PRKAR1A: variants seen among roughly 807,000 people sequenced by gnomAD.
PRKAR1A encodes the protein protein kinase cAMP-dependent type I regulatory subunit alpha.
PRKAR1A carries 3 observed loss-of-function variants against 52.0 expected under a neutral mutation model. The ratio of observed to expected loss-of-function variants is 0.06; its 90% confidence interval spans 0.03 to 0.15. The LOEUF (loss-of-function observed/expected upper bound fraction) is 0.15. Among genes scored for constraint, PRKAR1A ranks in the 10% least tolerant of loss-of-function variants. The probability of loss-of-function intolerance (pLI) is 1.00; values close to 1 mark genes in which losing one functional copy is unlikely to be tolerated. For synonymous variants in PRKAR1A, 188 were observed against 168.4 expected (o/e 1.12, Z -0.90); for missense variants, 240 against 477.4 (o/e 0.50, Z 4.63).
intron 9 of PRKAR1A, among the ~76,000 whole-genome samples, chr17:68,529,527 A>C (rs1038878415): frequency 6.6e-6 from 1 of 152,214 alleles, no homozygotes; most frequent in African/African-American, 2.4e-5. Flanking sequence ...GGTGGTAAGT[A>C]AGTTAAGCTT....
the PRKAR1A span, among the ~76,000 whole-genome samples, chr17:68,415,243 A>G: frequency 6.6e-6 from 1 of 152,170 alleles, no homozygotes; most frequent in Non-Finnish European, 1.5e-5. Flanking sequence ...CAGTTTGAAG[A>G]ACTTTTAAAT....
upstream of PRKAR1A, among the ~76,000 whole-genome samples, chr17:68,507,982 A>T (rs532670685): frequency 4.6e-5 from 7 of 152,122 alleles, no homozygotes; most frequent in African/African-American, 1.7e-4. Context: ...TTTTTTGTAC[A>T]TGCGATTATC....
chr17:68,425,562 G>A, the PRKAR1A span, among the ~76,000 whole-genome samples: 4 of 151,904 alleles, frequency 2.6e-5, no homozygotes, highest in Admixed American at 1.3e-4. Context: ...GGGGAGGTGC[G>A]GGTCTGCCGG....
the PRKAR1A span, among the ~76,000 whole-genome samples, chr17:68,445,398 C>T: frequency 6.6e-6 from 1 of 152,148 alleles, no homozygotes; most frequent in African/African-American, 2.4e-5. Context: ...AGGTTTTACC[C>T]CTCTCTGAAT....
chr17:68,525,782 G>T lies in PRKAR1A; in HGVS notation c.578G>T (p.Ser193Ile). The change falls in exon 7 of 11, where the codon AGT (serine) becomes ATT (isoleucine). Residue 193 changes from serine (S) to isoleucine (I), a missense_variant. Ser to Ile is a moderately radical substitution (Grantham distance 142). Around this residue, in one of 4 missense-constraint regions of PRKAR1A, gnomAD observed 107 missense variants for 290.9 expected, o/e 0.37. Transcript: ENST00000589228. ...DVYVNNEWAT[S>I]VGEGGSFGEL... The stretch of plus-strand genomic sequence containing the variant: ...TATGTTAACAATGAATGGGCAACCA[G>T]TGTTGGGGAAGGAGGGAGCTTTGGA... The T allele has an allele frequency of 6.2e-7, 1 of 1,614,014 alleles. No homozygotes were observed. Among genetic ancestry groups the T allele is most frequent in the Non-Finnish European group, 8.5e-7 (1 of 1,179,920 alleles).
the PRKAR1A span, among the ~76,000 whole-genome samples, chr17:68,467,325 G>A: frequency 6.6e-6 from 1 of 152,122 alleles, no homozygotes; most frequent in East Asian, 1.9e-4. Context: ...TTAACTTTTT[G>A]AGGAACTGCA....
chr17:68,495,948 T>A, the PRKAR1A span, among the ~76,000 whole-genome samples: 1 of 125,954 alleles, frequency 7.9e-6, no homozygotes, highest in East Asian at 2.5e-4. Flanking sequence ...TCCTTTCCTT[T>A]CCTTTCCTCT....
the PRKAR1A span, among the ~76,000 whole-genome samples, chr17:68,457,929 G>C: frequency 6.6e-6 from 1 of 152,180 alleles, no homozygotes; most frequent in Non-Finnish European, 1.5e-5. Flanking sequence ...AGATCTGCTG[G>C]TTTCAGTCCG....
At chr17:68,485,842 G>A in the PRKAR1A span, among the ~76,000 whole-genome samples, 2 of 152,104 alleles carry the variant, frequency 1.3e-5, no homozygotes, top group South Asian at 4.1e-4. Flanking sequence ...GGGTTAAAGC[G>A]ATTCTCCTGA....
chr17:68,465,345 C>T, the PRKAR1A span, among the ~76,000 whole-genome samples: 4 of 152,144 alleles, frequency 2.6e-5, no homozygotes, highest in South Asian at 2.1e-4. Context: ...GGGTTTAATA[C>T]GCTTCCCTTC....
chr17:68,486,493 C>CTTT, the PRKAR1A span, among the ~76,000 whole-genome samples: 25 of 48,380 alleles, frequency 5.2e-4, no homozygotes, highest in East Asian at 3.9e-3. Context: ...TTCCTTCCTT[C>CTTT]CTTCCTTCCT....
the PRKAR1A span, among the ~76,000 whole-genome samples, chr17:68,473,539 T>C: frequency 6.6e-6 from 1 of 152,160 alleles, no homozygotes; most frequent in Non-Finnish European, 1.5e-5. Context: ...ATTTATTTAT[T>C]TGAGACAGAG....
At chr17:68,505,245 C>T in the PRKAR1A span, among the ~76,000 whole-genome samples, 2 of 152,050 alleles carry the variant, frequency 1.3e-5, no homozygotes, top group African/African-American at 2.4e-5. Context: ...GAGCTAAGAT[C>T]ATGCCACTGC....
At chr17:68,469,073 C>T in the PRKAR1A span, among the ~76,000 whole-genome samples, 1 of 152,170 alleles carries the variant, frequency 6.6e-6, no homozygotes, top group Non-Finnish European at 1.5e-5. Context: ...GGATCTCTTT[C>T]TCCTGAGCAG....
chr17:68,525,702 T>C, intron 6 of PRKAR1A, 52 bp from the exon 7 acceptor site: 1 of 1,585,578 alleles, frequency 6.3e-7, no homozygotes, highest in African/African-American at 1.3e-5. Flanking sequence ...TTTTTAACAT[T>C]TAAGTGTTTG....
At chr17:68,529,783 T>A in intron 9 of PRKAR1A, 137 bp from the exon 10 acceptor site, 1 of 836,156 alleles carries the variant, frequency 1.2e-6, no homozygotes, top group Non-Finnish European at 2.1e-6. Context: ...TTGAAGCTCA[T>A]GTGGTGACTA....
the PRKAR1A span, among the ~76,000 whole-genome samples, chr17:68,415,205 G>A: frequency 9.2e-5 from 14 of 152,000 alleles, no homozygotes; most frequent in Non-Finnish European, 1.8e-4. Context: ...GTATCCCAGA[G>A]GTTTTGATAG....
chr17:68,450,591 G>T, the PRKAR1A span: 1 of 1,179,572 alleles, frequency 8.5e-7, no homozygotes, highest in Non-Finnish European at 1.2e-6. Flanking sequence ...ATACCCCCGG[G>T]ACACGGGGCC....
the PRKAR1A span, among the ~76,000 whole-genome samples, chr17:68,452,515 A>G: frequency 1.3e-5 from 2 of 152,220 alleles, no homozygotes; most frequent in Non-Finnish European, 1.5e-5. Flanking sequence ...CAGTGAGCCA[A>G]GATCGTGCCA....
Sources: allele counts gnomAD v4.1 joint callset (sites outside exome capture counted in the v4.1 genomes callset), GRCh38; gene constraint gnomAD v4.1.1; regional missense constraint gnomAD v4.1.1; transcripts MANE v1.5; gene names NCBI Gene and HGNC (gene_info 2026-07-23, HGNC 2026-07-21).